Variants in NIBAN3 observed in about 807,000 individuals in gnomAD.
NIBAN3 encodes the protein protein Niban 3.
NIBAN3 carries 66 observed loss-of-function variants against 76.4 expected under a neutral mutation model. That is an observed-to-expected ratio of 0.86 (90% CI 0.71 to 1.06). The LOEUF is 1.06. NIBAN3 is among the 50% of genes least tolerant of loss of function. The pLI is 0.00. For synonymous variants in NIBAN3, 360 were observed against 355.2 expected (o/e 1.01, Z -0.15); for missense variants, 808 against 810.7 (o/e 1.00, Z 0.04).
intron 2 of NIBAN3, 99 bp downstream of exon 2, chr19:17,530,984 C>T: frequency 7.4e-7 from 1 of 1,344,832 alleles, no homozygotes; most frequent in South Asian, 1.4e-5. Flanking sequence ...TTGCCATTGC[C>T]ATAGGATGAC....
Position 17,542,478 on chromosome 19 carries a change from G to A in NIBAN3, c.1329+184G>A, listed in dbSNP as rs542475246. ...GTGGTGGACAGAGCTGGGGCAGGGT[G>A]TACAGGGAGCGCCAAGGATGTTCCT... On this transcript the variant is annotated intron_variant, in intron 10 of 14. Transcript: ENST00000599164. The surrounding 1 kb of genome is among the most constrained non-coding windows in gnomAD (Gnocchi z 4.8). Among the ~76,000 whole-genome samples the A allele has an allele frequency of 1.3e-5, 2 of 152,362 alleles. No homozygotes were observed. The highest frequency in any genetic ancestry group is 3.9e-4 in the East Asian group (2 of 5,190).
chr19:17,555,486 C>T, downstream of NIBAN3: 1 of 277,602 alleles, frequency 3.6e-6, no homozygotes, highest in East Asian at 9.1e-5. Context: ...GCTCCGAGCG[C>T]TATGTGCCTT....
chr19:17,531,679 G>A (rs1429838179), intron 2 of NIBAN3, among the ~76,000 whole-genome samples: 5 of 152,098 alleles, frequency 3.3e-5, no homozygotes, highest in South Asian at 2.1e-4. Flanking sequence ...GACCACAGGC[G>A]CCCGCCACCA....
Position 17,553,339 on chromosome 19 carries a change from T to A in NIBAN3, c.*1441T>A, listed in dbSNP as rs748137525. The A allele has an allele frequency of 9.3e-6, 15 of 1,613,930 alleles. 1 individual carries two copies. The South Asian group carries it at 1.5e-4, about 17-fold the overall frequency. On this transcript the variant is annotated 3_prime_UTR_variant, in exon 15 of 15. Transcript: ENST00000599164. ...TCCAAATCTTAACTTGGTGTCAAGTTTCCTGGCTGGGAGACAAGCTTTTAC... is the reference window on the plus strand; with the variant it reads ...TCCAAATCTTAACTTGGTGTCAAGTATCCTGGCTGGGAGACAAGCTTTTAC...
At chr19:17,554,687 G>T (rs2076198480), downstream of NIBAN3, among the ~76,000 whole-genome samples, 1 of 151,222 alleles carries the variant, frequency 6.6e-6, no homozygotes, top group African/African-American at 2.4e-5. Flanking sequence ...GGCTGAAGCA[G>T]GAGAATCGCT....
chr19:17,550,479 C>T (rs1911501981), intron 14 of NIBAN3, among the ~76,000 whole-genome samples: 1 of 152,066 alleles, frequency 6.6e-6, no homozygotes, highest in Non-Finnish European at 1.5e-5. Flanking sequence ...CCAGCCTGGA[C>T]AACATAGCAA....
chr19:17,553,080 A>T lies in NIBAN3; in HGVS notation c.*1182A>T. ...ATGGGAGTGAGACCCTGTCTCAAAAAACAAAATCCAAATATGTTGATTAGC... is the reference window on the plus strand; with the variant it reads ...ATGGGAGTGAGACCCTGTCTCAAAATACAAAATCCAAATATGTTGATTAGC... On this transcript the variant is annotated 3_prime_UTR_variant, in exon 15 of 15. Coordinates refer to ENST00000599164, the MANE Select transcript of NIBAN3 (RefSeq NM_001321827.2). 1 of 535,784 alleles carries T rather than the reference A, an allele frequency of 1.9e-6. No homozygotes were observed. The highest frequency in any genetic ancestry group is 2.9e-6 in the Non-Finnish European group (1 of 340,494). The allele number at this position is 535,784 out of a possible 1,614,324, so 33.2% of individuals were successfully genotyped here. A position where few individuals can be genotyped will look rare whatever the true frequency, so the allele number is the denominator to read the frequency against.
chr19:17,540,326 C>G (rs2075922548), intron 8 of NIBAN3, 66 bp from the exon 9 acceptor site: 1 of 1,250,084 alleles, frequency 8.0e-7, no homozygotes, highest in Admixed American at 3.2e-5. Context: ...CGCGAGGGCC[C>G]CTGCACATCC....
At chr19:17,523,600 A>G (rs1946603353), upstream of NIBAN3, 3 of 645,978 alleles carry the variant, frequency 4.6e-6, no homozygotes, top group East Asian at 6.0e-5. Flanking sequence ...CCCCACATGG[A>G]TGGTTGTGCC....
chr19:17,527,177 A>G, upstream of NIBAN3: 2 of 1,526,518 alleles, frequency 1.3e-6, no homozygotes, highest in Non-Finnish European at 1.8e-6. Flanking sequence ...CACGGGCCCC[A>G]GGGGAGTGGG....
upstream of NIBAN3, chr19:17,523,331 G>A (rs758332710): frequency 1.2e-5 from 12 of 1,015,156 alleles, no homozygotes; most frequent in South Asian, 4.9e-5. Flanking sequence ...TGAAACCTGC[G>A]CAGAGGCGGC....
intron 12 of NIBAN3, chr19:17,543,977 G>GCAAGGGCCTGTCTCTT (rs1489597977): frequency 6.6e-6 from 1 of 151,600 alleles, no homozygotes; most frequent in Non-Finnish European, 1.4e-5. Context: ...GGGCGACAGA[G>GCAAGGGCCTGTCTCTT]TGAAACTCAG....
chr19:17,528,521 G>A (rs147165282), intron 1 of NIBAN3, among the ~76,000 whole-genome samples: 18 of 152,240 alleles, frequency 1.2e-4, no homozygotes, highest in Admixed American at 3.9e-4. Context: ...CTTCCTGAGC[G>A]GGCAGGGACC....
In NIBAN3 at chr19:17,533,646, G is replaced by A; in HGVS notation, c.372G>A (p.Leu124=). Residue 124 remains leucine (L), a synonymous_variant, in exon 4 of 15, where the codon CTG becomes CTA. Transcript: ENST00000599164. ...GSTALTGYTL[L]TSQREYLRLL... ...CAGCCCTGACAGGATACACGCTCCT[G>A]ACTTCCCAGCGAGAATATCTCCGCC... The A allele has an allele frequency of 6.2e-7, 1 of 1,614,120 alleles. No individual in the cohort carries two copies. Among genetic ancestry groups the A allele is most frequent in the South Asian group, 1.1e-5 (1 of 91,074 alleles).
At chr19:17,523,459 G>A (rs541095815), upstream of NIBAN3, 3 of 1,564,104 alleles carry the variant, frequency 1.9e-6, no homozygotes, top group East Asian at 4.7e-5. Context: ...ACCGGAAGGA[G>A]GTTGGTAAAC....
At chr19:17,531,869 C>A (rs56223927) in intron 2 of NIBAN3, among the ~76,000 whole-genome samples, 46,652 of 152,040 alleles carry the variant, frequency 0.31, 8,029 homozygotes, top group African/African-American at 0.46. Flanking sequence ...GCCCCACACA[C>A]CTCACTCAGT....
chr19:17,539,461 G>A lies in NIBAN3; in HGVS notation c.816+10G>A. On this transcript the variant is annotated intron_variant, in intron 7 of 14. Transcript: ENST00000599164. The stretch of plus-strand genomic sequence containing the variant: ...CTGGGCCTGGACCGAGGTATGCACG[G>A]CGTCCGGATCCGGGATAGGGGGCGG... The A allele has an allele frequency of 6.8e-7, 1 of 1,465,430 alleles. No homozygotes were observed. Among genetic ancestry groups the A allele is most frequent in the South Asian group, 1.4e-5 (1 of 72,094 alleles). The allele number at this position is 1,465,430 out of a possible 1,614,324, so 90.8% of individuals were successfully genotyped here.
At chr19:17,532,745 G>A (rs545000504) in intron 3 of NIBAN3, among the ~76,000 whole-genome samples, 1 of 152,246 alleles carries the variant, frequency 6.6e-6, no homozygotes, top group African/African-American at 2.4e-5. Context: ...CTGTGAAATG[G>A]GATGTTTCAC....
In NIBAN3 at chr19:17,532,383, A is replaced by G. The variant is rs2075745148; in HGVS notation, c.307A>G (p.Lys103Glu). The change falls in exon 3 of 15, where the codon AAG (lysine) becomes GAG (glutamate). Residue 103 changes from lysine to glutamate, a missense_variant. Lys to Glu is a moderately conservative substitution (Grantham distance 56). Coordinates refer to ENST00000599164, the MANE Select transcript of NIBAN3 (RefSeq NM_001321827.2). ...GDGRLEWFSH[K>E]EEYENGGHCL... ...CGGCCGCCTAGAGTGGTTCAGCCAC[A>G]AGGAGGTGCGTGATTGGCACGTGGC... The G allele has an allele frequency of 6.2e-7, 1 of 1,614,048 alleles. No individual in the cohort carries two copies. Among genetic ancestry groups the G allele is most frequent in the Non-Finnish European group, 8.5e-7 (1 of 1,180,020 alleles).
Sources: gnomAD v4.1 joint callset for allele counts (sites outside exome capture counted in the v4.1 genomes callset) on GRCh38, gnomAD v4.1.1 for gene constraint, Gnocchi (gnomAD v3.1) non-coding constraint, MANE v1.5 for transcripts, NCBI Gene and HGNC (gene_info 2026-07-23, HGNC 2026-07-21) for gene names.